Variants in NEDD4L observed in about 807,000 individuals in gnomAD.
NEDD4L encodes the protein E3 ubiquitin-protein ligase NEDD4-like.
In NEDD4L, 54 loss-of-function variants were observed where a neutral mutation model predicts 148.9. The observed-to-expected ratio is 0.36, with a 90% confidence interval of 0.29 to 0.45. NEDD4L has a LOEUF of 0.45. Ranked by LOEUF, NEDD4L falls within the 20% of genes least tolerant of loss-of-function variation. The pLI is 1.00. For synonymous variants in NEDD4L, 433 were observed against 440.7 expected (o/e 0.98, Z 0.22); for missense variants, 856 against 1,233.8 (o/e 0.69, Z 4.59).
intron 23 of NEDD4L, among the ~76,000 whole-genome samples, chr18:58,370,988 A>G (rs1052728477): frequency 2.6e-5 from 4 of 152,168 alleles, no homozygotes; most frequent in Admixed American, 1.3e-4. Context: ...GTTGCATTTA[A>G]CATTAATTTT....
chr18:58,236,145 C>G (rs2045981595), intron 2 of NEDD4L, among the ~76,000 whole-genome samples: 1 of 151,946 alleles, frequency 6.6e-6, no homozygotes, highest in South Asian at 2.1e-4. Context: ...TCGCCTGAAG[C>G]TAGGAGTTTG....
chr18:58,164,123 CCCCTGTGCTGTGG>C (rs1305265020), intron 1 of NEDD4L, among the ~76,000 whole-genome samples: 2 of 151,314 alleles, frequency 1.3e-5, no homozygotes, highest in African/African-American at 4.9e-5. Context: ...CTCCCTCAGT[CCCCTGTGCTGTGG>C]CCCTTGGTGA....
At position 58,290,282 on chromosome 18, in the gene NEDD4L, G is replaced by A. The variant is rs1283928051; in HGVS notation, c.298-25700G>A. On this transcript the variant is annotated intron_variant, in intron 5 of 30. Coordinates refer to ENST00000400345, the MANE Select transcript of NEDD4L (RefSeq NM_001144967.3). Reference sequence around the variant, plus strand: ...GAAATTCAACAACCAGATTTGTTTTGCTAATCTTATTAAAGTGCAACATGT... The same window carrying A: ...GAAATTCAACAACCAGATTTGTTTTACTAATCTTATTAAAGTGCAACATGT... Among the ~76,000 whole-genome samples, 4 of 152,200 alleles carry A rather than the reference G, an allele frequency of 2.6e-5. No homozygotes were observed. The East Asian group carries it at 7.7e-4, about 29-fold the overall frequency.
At chr18:58,255,746 C>T (rs1162214189) in intron 5 of NEDD4L, 4 of 1,232,428 alleles carry the variant, frequency 3.2e-6, no homozygotes, top group African/African-American at 3.1e-5. Flanking sequence ...CATGGCATTC[C>T]ACACCCTACC....
chr18:58,367,609 C>G, intron 21 of NEDD4L, 137 bp from the exon 22 acceptor site: 1 of 877,312 alleles, frequency 1.1e-6, no homozygotes. Context: ...GTCAGGTCCT[C>G]TAGCCCACAC....
At chr18:58,279,755 A>G (rs7229171) in intron 5 of NEDD4L, among the ~76,000 whole-genome samples, 26,238 of 152,250 alleles carry the variant, frequency 0.17, 2,429 homozygotes, top group Non-Finnish European at 0.18. Context: ...TTTATGCTCT[A>G]AATCAGGAGT....
chr18:58,370,827 C>T (rs1276248517), intron 23 of NEDD4L, among the ~76,000 whole-genome samples: 2 of 152,152 alleles, frequency 1.3e-5, no homozygotes, highest in Non-Finnish European at 1.5e-5. Flanking sequence ...TCCGCTCTCC[C>T]TCTGTTTCCT....
At chr18:58,339,479 A>G (rs537624219) in intron 13 of NEDD4L, among the ~76,000 whole-genome samples, 3 of 152,288 alleles carry the variant, frequency 2.0e-5, no homozygotes, top group East Asian at 3.9e-4. Context: ...GGATTAAGTC[A>G]GTGTTGATGT....
intron 24 of NEDD4L, among the ~76,000 whole-genome samples, chr18:58,382,674 G>A (rs1225702941): frequency 6.6e-6 from 1 of 152,160 alleles, no homozygotes; most frequent in Non-Finnish European, 1.5e-5. Flanking sequence ...ATCATGGGTG[G>A]TGCTAAGGGA....
intron 1 of NEDD4L, among the ~76,000 whole-genome samples, chr18:58,129,645 A>G (rs1471667864): frequency 1.3e-5 from 2 of 152,154 alleles, no homozygotes; most frequent in African/African-American, 2.4e-5. Flanking sequence ...TCGCAGAGAA[A>G]CTCAGATAGG....
chr18:58,257,812 C>G (rs2048810238), intron 5 of NEDD4L, among the ~76,000 whole-genome samples: 1 of 152,154 alleles, frequency 6.6e-6, no homozygotes, highest in South Asian at 2.1e-4. Flanking sequence ...AGTGCTTTCT[C>G]CTAAAGAACA....
At chr18:58,123,353 G>A (rs574136940) in intron 1 of NEDD4L, among the ~76,000 whole-genome samples, 5 of 152,166 alleles carry the variant, frequency 3.3e-5, no homozygotes, top group East Asian at 1.9e-4. Context: ...GCGATCTTCC[G>A]TTCCCAGCCT....
intron 1 of NEDD4L, among the ~76,000 whole-genome samples, chr18:58,152,417 T>C (rs2034895443): frequency 6.6e-6 from 1 of 152,200 alleles, no homozygotes; most frequent in South Asian, 2.1e-4. Flanking sequence ...GATCTACAGA[T>C]ACGGATCATC....
At chr18:58,219,121 T>C (rs1262732376) in intron 2 of NEDD4L, among the ~76,000 whole-genome samples, 1 of 152,230 alleles carries the variant, frequency 6.6e-6, no homozygotes, top group East Asian at 1.9e-4. Flanking sequence ...TACATTTTAA[T>C]GCAAGTTTGG....
At chr18:58,227,537 C>T (rs573023994) in intron 2 of NEDD4L, among the ~76,000 whole-genome samples, 8 of 152,096 alleles carry the variant, frequency 5.3e-5, no homozygotes, top group African/African-American at 7.2e-5. Flanking sequence ...TGCGGTCAGT[C>T]GAATTACCAG....
At chr18:58,077,835 G>A (rs933588608) in intron 1 of NEDD4L, among the ~76,000 whole-genome samples, 2 of 152,100 alleles carry the variant, frequency 1.3e-5, no homozygotes, top group African/African-American at 2.4e-5. Context: ...TCAACCAGGG[G>A]CAGTTTTGTG....
chr18:58,296,666 A>T (rs2055629423), intron 5 of NEDD4L, among the ~76,000 whole-genome samples: 1 of 152,210 alleles, frequency 6.6e-6, no homozygotes, highest in African/African-American at 2.4e-5. Context: ...TCACGCCTGT[A>T]ATCCCAACAC....
At chr18:58,240,300 T>G (rs1277586570) in intron 2 of NEDD4L, among the ~76,000 whole-genome samples, 1 of 152,070 alleles carries the variant, frequency 6.6e-6, no homozygotes, top group African/African-American at 2.4e-5. Context: ...CTGAGGAACC[T>G]GAGATCCTTC....
chr18:58,149,548 G>T, intron 1 of NEDD4L: 2 of 1,548,750 alleles, frequency 1.3e-6, no homozygotes, highest in South Asian at 1.2e-5. Flanking sequence ...GAGACGTCTC[G>T]CATTTGAGCA....
Sources: allele counts gnomAD v4.1 joint callset (sites outside exome capture counted in the v4.1 genomes callset), GRCh38; gene constraint gnomAD v4.1.1; transcripts MANE v1.5; gene names NCBI Gene and HGNC (gene_info 2026-07-23, HGNC 2026-07-21).